Variants in FAM131B observed in about 807,000 individuals in gnomAD.
FAM131B encodes protein FAM131B.
Under a neutral mutation model 42.0 loss-of-function variants are expected in FAM131B, and 19 were observed. The ratio of observed to expected loss-of-function variants is 0.45; its 90% CI spans 0.32 to 0.66. The LOEUF is 0.66. Ranked by LOEUF, FAM131B falls within the 30% of genes least tolerant of loss-of-function variation. The pLI, the probability that FAM131B is intolerant of heterozygous loss-of-function variation, is 0.05. For synonymous variants in FAM131B, 183 were observed against 177.6 expected (o/e 1.03, Z -0.24); for missense variants, 370 against 468.4 (o/e 0.79, Z 1.94).
In FAM131B at chr7:143,357,316, A is replaced by G. The variant is rs1803711775; in HGVS notation, c.574T>C (p.Tyr192His). ...ATCAGTTCCTGGTAGTTGTCACTGT[A>G]GTTGCAGCCCAATGGCTCCTGGGTG... is the stretch of plus-strand genomic sequence containing the variant. ...NSTQEPLGCN[Y>H]SDNYQELMDS... The change falls in exon 6 of 7, where the codon TAC becomes CAC. Residue 192 changes from tyrosine (Y) to histidine (H), a missense_variant. Tyr to His is a moderately conservative substitution (Grantham distance 83, BLOSUM62 2). Coordinates refer to ENST00000443739, the MANE Select transcript of FAM131B (RefSeq NM_001031690.3). The G allele has an allele frequency of 3.1e-6, 5 of 1,614,186 alleles. No individual in the cohort carries two copies. Among genetic ancestry groups the G allele is most frequent in the Non-Finnish European group, 4.2e-6 (5 of 1,180,012 alleles).
chr7:143,357,389 T>G lies in FAM131B; in HGVS notation c.501A>C (p.Thr167=). 2 of 1,611,994 alleles carry G rather than the reference T, an allele frequency of 1.2e-6. No individual in the cohort carries two copies. The highest frequency in any genetic ancestry group is 1.7e-6 in the Non-Finnish European group (2 of 1,178,916). The change falls in exon 6 of 7, where the codon ACA becomes ACC. Residue 167 remains threonine (T), a synonymous_variant. Transcript: ENST00000443739. ...VMEQFAISEA[T]LMAWSSMDGE... is the part of the protein sequence containing the mutation. ...CATCCATGGAAGACCAGGCCATGAG[T>G]GTGGCCTCAGAGATAGCAAACTGCT...
chr7:143,368,858 C>G, the FAM131B span, among the ~76,000 whole-genome samples: 1 of 152,232 alleles, frequency 6.6e-6, no homozygotes, highest in Non-Finnish European at 1.5e-5. Flanking sequence ...CCTACAAAGT[C>G]TAACTACCTG....
the FAM131B span, among the ~76,000 whole-genome samples, chr7:143,377,545 G>A: frequency 6.6e-6 from 1 of 152,106 alleles, no homozygotes; most frequent in South Asian, 2.1e-4. Context: ...TGGGGCAGGA[G>A]AGTCTTAATA....
At chr7:143,378,428 T>A in the FAM131B span, among the ~76,000 whole-genome samples, 2 of 149,906 alleles carry the variant, frequency 1.3e-5, no homozygotes, top group South Asian at 4.4e-4. Flanking sequence ...CCTGGCCTGG[T>A]CTTAAGCTGT....
At chr7:143,367,825 C>T in the FAM131B span, among the ~76,000 whole-genome samples, 30,341 of 152,242 alleles carry the variant, frequency 0.2, 3,554 homozygotes, top group East Asian at 0.36. Flanking sequence ...GGCAGGTCAA[C>T]GTCCCCAAAT....
At chr7:143,382,226 G>T in the FAM131B span, 1 of 1,608,124 alleles carries the variant, frequency 6.2e-7, no homozygotes, top group Middle Eastern at 1.7e-4. Context: ...CCCGGCCGAC[G>T]TCTTTCTCCT....
upstream of FAM131B, among the ~76,000 whole-genome samples, chr7:143,362,949 G>A (rs1234942433): frequency 6.6e-6 from 1 of 151,640 alleles, no homozygotes; most frequent in East Asian, 2.0e-4. The surrounding 1 kb of genome is among the most constrained non-coding windows in gnomAD (Gnocchi z 7.7). Context: ...CCTCCCGCCC[G>A]TGCCAAGCCC....
rs1803607553 is a variant in FAM131B, at chr7:143,355,450, C to T, written c.*1100G>A. The T allele has an allele frequency of 6.6e-6, 1 of 152,598 alleles. No individual in the cohort carries two copies. Among genetic ancestry groups the T allele is most frequent in the South Asian group, 2.1e-4 (1 of 4,828 alleles). 9.5% of individuals were successfully genotyped at this position (152,598 alleles called of 1,614,324 possible). A position where few individuals can be genotyped will look rare whatever the true frequency, so the allele number is the denominator to read the frequency against. Reference sequence around the variant, plus strand: ...AGAAGGGGCAGAAAGTGCCGAGTGCCCACCCTGGCCCTCAGCTGCAACCCT... The same window carrying T: ...AGAAGGGGCAGAAAGTGCCGAGTGCTCACCCTGGCCCTCAGCTGCAACCCT... On this transcript the variant is annotated 3_prime_UTR_variant, in exon 7 of 7. Transcript: ENST00000443739. This position sits in a 1 kb window ranked among gnomAD's most constrained non-coding sequence, Gnocchi z 4.1.
chr7:143,360,176 G>T, intron 1 of FAM131B, 27 bp from the exon 2 acceptor site: 1 of 1,579,200 alleles, frequency 6.3e-7, no homozygotes, highest in Non-Finnish European at 8.6e-7. Context: ...GTTAGCCGCC[G>T]GCCCTCACCT....
the FAM131B span, among the ~76,000 whole-genome samples, chr7:143,375,056 T>C: frequency 5.3e-5 from 8 of 152,358 alleles, no homozygotes; most frequent in South Asian, 1.4e-3. Context: ...CTCATTATTA[T>C]GTCCCCAGCA....
intron 5 of FAM131B, among the ~76,000 whole-genome samples, chr7:143,357,630 T>C (rs889237096): frequency 2.6e-5 from 4 of 152,242 alleles, no homozygotes; most frequent in African/African-American, 9.6e-5. Context: ...TAATTCGATA[T>C]ATAAAAAGAT....
the FAM131B span, chr7:143,381,759 T>C: frequency 6.3e-7 from 1 of 1,581,220 alleles, no homozygotes; most frequent in Non-Finnish European, 8.6e-7. Context: ...GTGGGCGAGA[T>C]TCCCCCGCCG....
upstream of FAM131B, among the ~76,000 whole-genome samples, chr7:143,365,467 T>C (rs967427490): frequency 5.3e-5 from 8 of 152,234 alleles, no homozygotes; most frequent in Admixed American, 3.9e-4. Context: ...TTTCAGTCTA[T>C]TCTTCCAAAC....
At chr7:143,370,417 A>G in the FAM131B span, among the ~76,000 whole-genome samples, 2 of 152,196 alleles carry the variant, frequency 1.3e-5, no homozygotes, top group Admixed American at 6.5e-5. Context: ...GGGTAAAACA[A>G]GGCTAAGACC....
At position 143,354,588 on chromosome 7, in the gene FAM131B, G is replaced by A. The variant is rs1043225237; in HGVS notation, c.*1962C>T. 1.3e-5 allele frequency: 2 copies of A among 152,214 alleles called. No individual in the cohort carries two copies. Among genetic ancestry groups the A allele is most frequent in the African/African-American group, 4.8e-5 (2 of 41,432 alleles). The allele number at this position is 152,214 out of a possible 1,614,324, so 9.4% of individuals were successfully genotyped here. ...GGGGAATAGCTGCCAGGGCGGGCAT[G>A]CTAGACCACCTCTCAGAGCTCCTGG... On this transcript the variant is annotated 3_prime_UTR_variant, in exon 7 of 7. Coordinates refer to ENST00000443739, the MANE Select transcript of FAM131B (RefSeq NM_001031690.3).
At chr7:143,381,548 C>G in the FAM131B span, 1 of 1,603,512 alleles carries the variant, frequency 6.2e-7, no homozygotes, top group Non-Finnish European at 8.5e-7. Flanking sequence ...ACCCGGCGAC[C>G]CACCCCAGCA....
At chr7:143,363,057 C>G (rs1385762440), upstream of FAM131B, among the ~76,000 whole-genome samples, 1 of 152,032 alleles carries the variant, frequency 6.6e-6, no homozygotes, top group Non-Finnish European at 1.5e-5. Context: ...ATGGATTTTG[C>G]GGGCCGGGGT....
the FAM131B span, among the ~76,000 whole-genome samples, chr7:143,378,714 C>T: frequency 6.6e-6 from 1 of 152,036 alleles, no homozygotes; most frequent in Non-Finnish European, 1.5e-5. Flanking sequence ...GTAGCTGGGA[C>T]TACACGCTCC....
chr7:143,363,477 ATCT>A (rs1411580423), upstream of FAM131B, among the ~76,000 whole-genome samples: 2 of 152,154 alleles, frequency 1.3e-5, no homozygotes, highest in African/African-American at 4.8e-5. Context: ...CTGAGACGTG[ATCT>A]TCTCGGACAA....
Sources: allele counts gnomAD v4.1 joint callset (sites outside exome capture counted in the v4.1 genomes callset), GRCh38; gene constraint gnomAD v4.1.1; non-coding constraint Gnocchi (gnomAD v3.1); transcripts MANE v1.5; gene names NCBI Gene and HGNC (gene_info 2026-07-23, HGNC 2026-07-21).